FARP1: variants seen among roughly 807,000 people sequenced by gnomAD.
The protein encoded by FARP1 is FERM, ARHGEF and pleckstrin domain-containing protein 1.
FARP1 carries 52 observed loss-of-function variants against 128.8 expected under a neutral mutation model. The observed-to-expected ratio is 0.40, with a 90% CI of 0.32 to 0.51. FARP1 has a LOEUF of 0.51. FARP1 is among the 20% of genes least tolerant of loss of function. FARP1 has a pLI of 0.45. For synonymous variants in FARP1, 580 were observed against 551.8 expected (o/e 1.05, Z -0.72); for missense variants, 1,333 against 1,367.9 (o/e 0.97, Z 0.40).
chr13:98,430,329 A>T (rs1357645002), intron 17 of FARP1, among the ~76,000 whole-genome samples: 1 of 152,224 alleles, frequency 6.6e-6, no homozygotes, highest in Non-Finnish European at 1.5e-5. Context: ...ATCAAGTGAG[A>T]CTTGAAGAAA....
At chr13:98,152,629 CTCG>C (rs1470422127) in intron 1 of FARP1, among the ~76,000 whole-genome samples, 2 of 152,288 alleles carry the variant, frequency 1.3e-5, no homozygotes, top group Admixed American at 1.3e-4. Context: ...AATTCACTTT[CTCG>C]TCGTACTTGA....
chr13:98,343,305 T>C (rs529389462), intron 2 of FARP1, among the ~76,000 whole-genome samples: 1 of 152,304 alleles, frequency 6.6e-6, no homozygotes, highest in African/African-American at 2.4e-5. Flanking sequence ...AACACATTTG[T>C]CATAGAACTT....
At chr13:98,411,855 G>A (rs762816210) in intron 15 of FARP1, 46 bp from the exon 16 acceptor site, 7 of 1,598,258 alleles carry the variant, frequency 4.4e-6, no homozygotes, top group South Asian at 1.1e-5. Context: ...GCAGACACTC[G>A]TCATTGATCT....
At chr13:98,358,859 G>A (rs1242125572) in intron 3 of FARP1, among the ~76,000 whole-genome samples, 3 of 151,890 alleles carry the variant, frequency 2.0e-5, no homozygotes, top group African/African-American at 4.8e-5. Flanking sequence ...GGATGGTCTC[G>A]ATCTCCTGAC....
chr13:98,155,163 A>G (rs1379416081), intron 1 of FARP1, among the ~76,000 whole-genome samples: 1 of 152,118 alleles, frequency 6.6e-6, no homozygotes, highest in African/African-American at 2.4e-5. Flanking sequence ...CCTGACCAAC[A>G]TGGAGAAACA....
At chr13:98,404,519 C>T (rs1210190778) in intron 13 of FARP1, 1 of 152,152 alleles carries the variant, frequency 6.6e-6, no homozygotes. Context: ...ATGGGATAAT[C>T]TCAAGAGAGG....
intron 2 of FARP1, among the ~76,000 whole-genome samples, chr13:98,289,847 G>A (rs1318822764): frequency 6.6e-6 from 1 of 152,186 alleles, no homozygotes; most frequent in Non-Finnish European, 1.5e-5. Flanking sequence ...GACCCAATGA[G>A]ATGGAATTAA....
At chr13:98,389,616 CT>C (rs1231992099) in intron 9 of FARP1, 1 of 191,364 alleles carries the variant, frequency 5.2e-6, no homozygotes, top group Non-Finnish European at 1.1e-5. Context: ...CAGGAAGGGA[CT>C]TTCAGTATCT....
At chr13:98,339,705 C>G (rs550959413) in intron 2 of FARP1, among the ~76,000 whole-genome samples, 1 of 152,104 alleles carries the variant, frequency 6.6e-6, no homozygotes, top group South Asian at 2.1e-4. Flanking sequence ...GTTGACATCA[C>G]CCTATAAAAA....
chr13:98,312,843 C>G (rs1389656188), intron 2 of FARP1, among the ~76,000 whole-genome samples: 1 of 152,166 alleles, frequency 6.6e-6, no homozygotes, highest in Non-Finnish European at 1.5e-5. Flanking sequence ...GCTGGGCTCA[C>G]TGGCTTACCC....
rs1468312746 is a variant in FARP1 at position 98,448,490 on chromosome 13, A to C, written c.*173A>C. The C allele has an allele frequency of 4.0e-5, 24 of 602,904 alleles. No individual in the cohort carries two copies. Among genetic ancestry groups the C allele is most frequent in the Non-Finnish European group, 1.2e-5 (4 of 336,356 alleles). The allele number at this position is 602,904 out of a possible 1,614,324, so 37.3% of individuals were successfully genotyped here. On this transcript the variant is annotated 3_prime_UTR_variant, in exon 27 of 27. Coordinates refer to ENST00000319562, the MANE Select transcript of FARP1 (RefSeq NM_005766.4). ...TTTAACCCCGACCTCTCAGCGTCTGAATGAACAGCGCTCCCACCTCCAGTC... is the reference window on the plus strand; with the variant it reads ...TTTAACCCCGACCTCTCAGCGTCTGCATGAACAGCGCTCCCACCTCCAGTC...
chr13:98,384,923 A>AC (rs1444266207), intron 7 of FARP1, 79 bp downstream of exon 7: 9 of 802,358 alleles, frequency 1.1e-5, no homozygotes, highest in Non-Finnish European at 1.7e-5. Flanking sequence ...ACATCCCTCC[A>AC]CCCCCCACAC....
At chr13:98,344,118 T>C (rs1401143400) in intron 3 of FARP1, among the ~76,000 whole-genome samples, 1 of 152,130 alleles carries the variant, frequency 6.6e-6, no homozygotes, top group Non-Finnish European at 1.5e-5. Flanking sequence ...CCCAAACTAA[T>C]ATGTTTGAGA....
intron 2 of FARP1, among the ~76,000 whole-genome samples, chr13:98,253,308 A>G (rs1883434513): frequency 6.6e-6 from 1 of 152,198 alleles, no homozygotes; most frequent in Non-Finnish European, 1.5e-5. Context: ...GACGCCAGTG[A>G]TTGGTAATAA....
chr13:98,449,780 C>T lies in FARP1; in HGVS notation c.*1463C>T, dbSNP rs1416649900. The T allele has an allele frequency of 2.0e-5, 3 of 147,574 alleles. No individual in the cohort carries two copies. The highest frequency in any genetic ancestry group is 2.2e-4 in the South Asian group (1 of 4,600). 9.1% of individuals were successfully genotyped at this position (147,574 alleles called of 1,614,324 possible). A position where few individuals can be genotyped will look rare whatever the true frequency, so the allele number is the denominator to read the frequency against. Reference sequence around the variant, plus strand: ...TTTAAGGCAAAACAACCAACTTTGTCTGTAGTCTTCATTTTCTGTGTGGGG... The same window carrying T: ...TTTAAGGCAAAACAACCAACTTTGTTTGTAGTCTTCATTTTCTGTGTGGGG... On this transcript the variant is annotated 3_prime_UTR_variant, in exon 27 of 27. Transcript: ENST00000319562.
At chr13:98,246,844 T>G (rs1055175086) in intron 2 of FARP1, among the ~76,000 whole-genome samples, 3 of 152,198 alleles carry the variant, frequency 2.0e-5, no homozygotes, top group African/African-American at 4.8e-5. Flanking sequence ...ATCCAGCTGT[T>G]CCTTGAGCCC....
At chr13:98,384,871 C>A in intron 7 of FARP1, 27 bp downstream of exon 7, 2 of 1,405,702 alleles carry the variant, frequency 1.4e-6, no homozygotes, top group South Asian at 1.2e-5. Flanking sequence ...GCTTCATATT[C>A]CCTCTGAGCC....
intron 2 of FARP1, chr13:98,332,574 G>A (rs1229727041): frequency 4.6e-5 from 7 of 152,190 alleles, no homozygotes; most frequent in South Asian, 2.1e-4. Context: ...TAAAGGATCC[G>A]GAAAGCTGTG....
chr13:98,377,860 A>G lies in FARP1; in HGVS notation c.438A>G (p.Gln146=), dbSNP rs147281366. 3.7e-5 allele frequency: 60 copies of G among 1,614,114 alleles called. No homozygotes were observed. The African/African-American group carries it at 7.9e-4, about 21-fold the overall frequency. ...TGCAGGTGAAGCAGGACTTGGCTCA[A>G]GGCAGGTTGACGTGTAATGACACCA... is the stretch of plus-strand genomic sequence containing the variant. ...FALQVKQDLA[Q]GRLTCNDTSA... Residue 146 remains glutamine (Q), a synonymous_variant, in exon 6 of 27, where the codon CAA becomes CAG. Coordinates refer to ENST00000319562, the MANE Select transcript of FARP1 (RefSeq NM_005766.4).
Sources: allele counts gnomAD v4.1 joint callset (sites outside exome capture counted in the v4.1 genomes callset), GRCh38; gene constraint gnomAD v4.1.1; transcripts MANE v1.5; gene names NCBI Gene and HGNC (gene_info 2026-07-23, HGNC 2026-07-21).